CCDC33: variants seen among roughly 807,000 people sequenced by gnomAD.
CCDC33 encodes the protein coiled-coil domain containing 33, also known as coiled-coil domain-containing protein 33.
Under a neutral mutation model 91.9 loss-of-function variants are expected in CCDC33, and 94 were observed. The ratio of observed to expected loss-of-function variants is 1.02; its 90% CI spans 0.87 to 1.21. The LOEUF (loss-of-function observed/expected upper bound fraction) is 1.21, where lower values mean the gene tolerates loss of function less well. Ranked by LOEUF, CCDC33 falls within the 50% of genes most tolerant of loss-of-function variation. The pLI is 0.00. For missense variants in CCDC33, 940 were observed against 935.5 expected (o/e 1.00, Z -0.06); for synonymous variants, 396 against 374.5 (o/e 1.06, Z -0.66).
In CCDC33 at chr15:74,261,811, TC is replaced by T. The variant is rs552453016; in HGVS notation, c.186-627del. The stretch of plus-strand genomic sequence containing the variant: ...AGTGCTTGAGGGCTGGAAAGCCCTT[TC>T]CACCACCCCCTGCCCCCAGGCCTGG... On this transcript the variant is annotated intron_variant, in intron 2 of 18. Transcript: ENST00000398814. Among the ~76,000 whole-genome samples the T allele has an allele frequency of 5.3e-3, 806 of 152,296 alleles. 9 individuals are homozygous for T. Among genetic ancestry groups the T allele is most frequent in the Middle Eastern group, 0.024 (7 of 294 alleles).
At chr15:74,280,906 C>G in intron 9 of CCDC33, 105 bp downstream of exon 9, 1 of 1,182,804 alleles carries the variant, frequency 8.5e-7, no homozygotes, top group Non-Finnish European at 1.1e-6. Context: ...TTGGCTTCTC[C>G]AGAAGCTTCT....
At chr15:74,321,326 G>A (rs1036655437) in intron 11 of CCDC33, among the ~76,000 whole-genome samples, 2 of 151,860 alleles carry the variant, frequency 1.3e-5, no homozygotes, top group African/African-American at 4.8e-5. Flanking sequence ...TCTCAGCTCA[G>A]TGCAACCTCC....
chr15:74,250,630 C>G (rs1305317966), intron 2 of CCDC33, among the ~76,000 whole-genome samples: 1 of 152,192 alleles, frequency 6.6e-6, no homozygotes, highest in Non-Finnish European at 1.5e-5. Flanking sequence ...TACTCTTTGC[C>G]AGTGCCTCCC....
chr15:74,241,207 G>A (rs1021372829), intron 1 of CCDC33, among the ~76,000 whole-genome samples: 14 of 152,122 alleles, frequency 9.2e-5, no homozygotes, highest in Non-Finnish European at 1.6e-4. Context: ...GAGGGTGGGG[G>A]TGGCCTCCTC....
At chr15:74,256,133 G>C (rs150903520) in intron 2 of CCDC33, among the ~76,000 whole-genome samples, 3 of 152,304 alleles carry the variant, frequency 2.0e-5, no homozygotes, top group African/African-American at 7.2e-5. Flanking sequence ...GAATCATAAT[G>C]CTGTCCCCAC....
At position 74,265,417 on chromosome 15, in the gene CCDC33, C is replaced by G. The variant is rs551119411; in HGVS notation, c.320-1261C>G. 7.9e-5 allele frequency among the ~76,000 whole-genome samples: 12 copies of G among 152,312 alleles called. No homozygotes were observed. The South Asian group carries it at 1.0e-3, about 13-fold the overall frequency. On this transcript the variant is annotated intron_variant, in intron 3 of 18. Transcript: ENST00000398814. ...ATCCTTCTCCTCCTTTTCTCCCTCC[C>G]CATCTCTTCTTCCTCCTGAAATCAT...
Position 74,295,742 on chromosome 15 carries a change from T to A in CCDC33, c.1096-12T>A, listed in dbSNP as rs2059673405. 1 of 1,607,476 alleles carries A rather than the reference T, an allele frequency of 6.2e-7. No homozygotes were observed. The highest frequency in any genetic ancestry group is 1.3e-5 in the African/African-American group (1 of 74,664). On this transcript the variant is annotated splice_polypyrimidine_tract_variant and intron_variant, in intron 10 of 18. Coordinates refer to ENST00000398814, the MANE Select transcript of CCDC33 (RefSeq NM_025055.5). ...GCCTGTCCTGAAGTTTCTCTGCACCTTCTCTTCTCAGAGACCAGAAAACTT... is the reference window on the plus strand; with the variant it reads ...GCCTGTCCTGAAGTTTCTCTGCACCATCTCTTCTCAGAGACCAGAAAACTT...
At chr15:74,214,968 G>A (rs1380661683), upstream of CCDC33, among the ~76,000 whole-genome samples, 5 of 152,142 alleles carry the variant, frequency 3.3e-5, no homozygotes, top group Middle Eastern at 3.2e-3. Context: ...CTCGCCCAGC[G>A]TGGGCACACA....
At chr15:74,211,619 G>A (rs982219591) in intron 2 of CCDC33, among the ~76,000 whole-genome samples, 1 of 152,006 alleles carries the variant, frequency 6.6e-6, no homozygotes, top group Non-Finnish European at 1.5e-5. Context: ...GGTCAGGCTG[G>A]TCTCGAACTC....
chr15:74,253,661 G>C (rs184397540), intron 2 of CCDC33, among the ~76,000 whole-genome samples: 1 of 152,038 alleles, frequency 6.6e-6, no homozygotes, highest in African/African-American at 2.4e-5. Flanking sequence ...CAGTGGAGCC[G>C]GGAGCCAGAA....
intron 17 of CCDC33, 130 bp from the exon 18 acceptor site, chr15:74,334,845 G>A (rs2060529702): frequency 2.6e-6 from 2 of 769,538 alleles, no homozygotes; most frequent in East Asian, 2.5e-5. Context: ...GTCTCGGGAA[G>A]GTGTCAAGCC....
At chr15:74,264,361 A>G (rs919600283) in intron 3 of CCDC33, among the ~76,000 whole-genome samples, 3 of 152,068 alleles carry the variant, frequency 2.0e-5, no homozygotes, top group African/African-American at 7.3e-5. Context: ...GAACGGTGGG[A>G]GGCCGGAAGG....
chr15:74,268,761 G>C (rs2076239027), intron 5 of CCDC33, among the ~76,000 whole-genome samples: 1 of 152,242 alleles, frequency 6.6e-6, no homozygotes, highest in Admixed American at 6.5e-5. Context: ...CTGTGCTGCA[G>C]TGGGGACCAG....
At chr15:74,293,591 A>AC (rs1280640826) in intron 10 of CCDC33, among the ~76,000 whole-genome samples, 2 of 152,144 alleles carry the variant, frequency 1.3e-5, no homozygotes. Context: ...GGGTGTCTTC[A>AC]CGTCAGTGGG....
At chr15:74,228,645 C>T (rs375088180) in intron 2 of CCDC33, among the ~76,000 whole-genome samples, 7 of 152,322 alleles carry the variant, frequency 4.6e-5, no homozygotes, top group African/African-American at 1.7e-4. Flanking sequence ...ACTATTGGGC[C>T]AGTGGAGCTC....
intron 13 of CCDC33, 77 bp from the exon 14 acceptor site, chr15:74,330,904 G>C: frequency 1.3e-6 from 2 of 1,529,800 alleles, no homozygotes; most frequent in Non-Finnish European, 1.8e-6. Context: ...CAGCAGAGGG[G>C]CCGAGGTGGA....
At chr15:74,331,150 G>T in intron 14 of CCDC33, 38 bp downstream of exon 14, 1 of 1,613,864 alleles carries the variant, frequency 6.2e-7, no homozygotes, top group Non-Finnish European at 8.5e-7. Flanking sequence ...GCCAACTGAT[G>T]ATGGCAGAGT....
At chr15:74,310,187 G>A (rs1419514093) in intron 11 of CCDC33, among the ~76,000 whole-genome samples, 1 of 152,062 alleles carries the variant, frequency 6.6e-6, no homozygotes, top group African/African-American at 2.4e-5. Flanking sequence ...ACTCTGGGAA[G>A]ATGGTTAGGA....
intron 3 of CCDC33, among the ~76,000 whole-genome samples, chr15:74,263,280 G>A (rs959470499): frequency 2.0e-5 from 3 of 152,206 alleles, no homozygotes; most frequent in African/African-American, 7.2e-5. Context: ...TGCCCGGGTA[G>A]GGGGGCATCG....
Sources: allele counts gnomAD v4.1 joint callset (sites outside exome capture counted in the v4.1 genomes callset), GRCh38; gene constraint gnomAD v4.1.1; transcripts MANE v1.5; gene names NCBI Gene and HGNC (gene_info 2026-07-23, HGNC 2026-07-21).